Variants in SRPK2 observed in about 807,000 individuals in gnomAD.
SRPK2 encodes SRSF protein kinase 2.
In SRPK2, 21 loss-of-function variants were observed where a neutral mutation model predicts 90.8. The ratio of observed to expected loss-of-function variants is 0.23; its 90% CI spans 0.16 to 0.33. SRPK2 has a LOEUF of 0.33. Among genes scored for constraint, SRPK2 ranks in the 10% least tolerant of loss-of-function variants. SRPK2 has a pLI of 1.00. For synonymous variants in SRPK2, 288 were observed against 311.1 expected (o/e 0.93, Z 0.78); for missense variants, 620 against 869.0 (o/e 0.71, Z 3.60).
chr7:105,130,770 G>T (rs1403200566), intron 13 of SRPK2, among the ~76,000 whole-genome samples: 2 of 151,556 alleles, frequency 1.3e-5, no homozygotes, highest in East Asian at 3.9e-4. Flanking sequence ...TTTGGGGGGT[G>T]GGGCAAGCAG....
chr7:105,149,239 C>T (rs192448638), intron 7 of SRPK2, among the ~76,000 whole-genome samples: 3 of 152,276 alleles, frequency 2.0e-5, no homozygotes, highest in East Asian at 3.9e-4. Context: ...AGAGAAAAAC[C>T]GCCCTATGGT....
At chr7:105,217,409 C>G (rs1797605737) in intron 2 of SRPK2, among the ~76,000 whole-genome samples, 1 of 152,138 alleles carries the variant, frequency 6.6e-6, no homozygotes, top group African/African-American at 2.4e-5. Context: ...ACCCATGAAA[C>G]CAAATACTAT....
chr7:105,216,578 C>T (rs1459937041), intron 2 of SRPK2, among the ~76,000 whole-genome samples: 6 of 150,820 alleles, frequency 4.0e-5, no homozygotes, highest in African/African-American at 9.8e-5. Context: ...CACTTTAACT[C>T]GGGAGGCAGA....
intron 2 of SRPK2, among the ~76,000 whole-genome samples, chr7:105,318,213 G>A (rs915226912): frequency 6.6e-6 from 1 of 152,260 alleles, no homozygotes; most frequent in Non-Finnish European, 1.5e-5. Context: ...TCCTACCTCA[G>A]TCTCCAAAGT....
chr7:105,261,821 A>G (rs1177292618), intron 2 of SRPK2, among the ~76,000 whole-genome samples: 1 of 152,236 alleles, frequency 6.6e-6, no homozygotes, highest in African/African-American at 2.4e-5. Context: ...ACTGTCAAAC[A>G]GCAGCTGTGA....
At chr7:105,211,023 G>C (rs1429276890) in intron 2 of SRPK2, among the ~76,000 whole-genome samples, 1 of 152,204 alleles carries the variant, frequency 6.6e-6, no homozygotes, top group Non-Finnish European at 1.5e-5. Context: ...CTGCAGATCT[G>C]GCCAACACCT....
chr7:105,286,958 T>C (rs1808183241), intron 2 of SRPK2, among the ~76,000 whole-genome samples: 1 of 151,976 alleles, frequency 6.6e-6, no homozygotes, highest in Admixed American at 6.6e-5. Flanking sequence ...ATTCATAATA[T>C]ACAGCATTTG....
At chr7:105,392,021 A>G (rs1822195679), upstream of SRPK2, among the ~76,000 whole-genome samples, 1 of 152,224 alleles carries the variant, frequency 6.6e-6, no homozygotes, top group Non-Finnish European at 1.5e-5. Flanking sequence ...TTTTTTGGCC[A>G]TAAAAAGAAT....
chr7:105,234,404 TCTA>T lies in SRPK2; in HGVS notation c.72-30622_72-30620del, dbSNP rs1446169625. Among the ~76,000 whole-genome samples, 4 of 152,334 alleles carry T rather than the reference TCTA, an allele frequency of 2.6e-5. No individual in the cohort carries two copies. In the East Asian group the frequency reaches 7.7e-4, roughly 29 times the overall value. ...CTACCAAAAGATCATTAGAGAAACTTCTACTATCTCATTTAAGAAATATTTCCT... is the reference window on the plus strand; with the variant it reads ...CTACCAAAAGATCATTAGAGAAACTTCTATCTCATTTAAGAAATATTTCCT... On this transcript the variant is annotated intron_variant, in intron 2 of 15. Coordinates refer to ENST00000393651, the MANE Select transcript of SRPK2 (RefSeq NM_182692.3).
chr7:105,178,484 G>A (rs990502872), intron 3 of SRPK2, among the ~76,000 whole-genome samples: 1 of 152,122 alleles, frequency 6.6e-6, no homozygotes, highest in Non-Finnish European at 1.5e-5. Context: ...CAGAGCAAAG[G>A]CTAATATTCC....
intron 2 of SRPK2, among the ~76,000 whole-genome samples, chr7:105,354,195 AG>A (rs1817532997): frequency 6.6e-6 from 1 of 152,206 alleles, no homozygotes; most frequent in Non-Finnish European, 1.5e-5. Context: ...GACCAGTCAC[AG>A]GTCTCCCCAT....
intron 2 of SRPK2, among the ~76,000 whole-genome samples, chr7:105,362,727 C>T (rs1818578766): frequency 6.6e-6 from 1 of 152,034 alleles, no homozygotes; most frequent in South Asian, 2.1e-4. Context: ...AATCATGCTG[C>T]TATAAAGACA....
chr7:105,147,973 G>T (rs1426375202), intron 7 of SRPK2, among the ~76,000 whole-genome samples: 1 of 152,148 alleles, frequency 6.6e-6, no homozygotes, highest in Non-Finnish European at 1.5e-5. Flanking sequence ...TCACACTCGT[G>T]TATACATTTT....
At chr7:105,192,050 CTTTTTT>C (rs34465290) in intron 3 of SRPK2, among the ~76,000 whole-genome samples, 3 of 143,818 alleles carry the variant, frequency 2.1e-5, no homozygotes, top group African/African-American at 7.7e-5. Flanking sequence ...TCTGCTTCTG[CTTTTTT>C]TTTTTTTTTT....
chr7:105,312,664 G>A (rs1811851001), intron 2 of SRPK2, among the ~76,000 whole-genome samples: 1 of 152,064 alleles, frequency 6.6e-6, no homozygotes, highest in Non-Finnish European at 1.5e-5. Flanking sequence ...GAATCCATAA[G>A]TCACTTAATT....
chr7:105,158,968 C>G (rs1390304426), intron 7 of SRPK2, among the ~76,000 whole-genome samples: 1 of 151,786 alleles, frequency 6.6e-6, no homozygotes, highest in African/African-American at 2.4e-5. Context: ...GAGATATCAG[C>G]CTGTCGAAAT....
At chr7:105,115,010 C>A (rs1033930896), downstream of SRPK2, among the ~76,000 whole-genome samples, 1 of 152,166 alleles carries the variant, frequency 6.6e-6, no homozygotes. Context: ...TAAAAATATT[C>A]TTCTTAAAAG....
At chr7:105,389,029 A>G (rs1259232342), upstream of SRPK2, 3 of 892,366 alleles carry the variant, frequency 3.4e-6, no homozygotes, top group South Asian at 5.3e-5. Context: ...TCGGGACCCC[A>G]GCGCCGCGCG....
At chr7:105,241,941 T>C (rs7792174) in intron 2 of SRPK2, among the ~76,000 whole-genome samples, 1 of 152,044 alleles carries the variant, frequency 6.6e-6, no homozygotes, top group Non-Finnish European at 1.5e-5. Flanking sequence ...AAAAGGTCAT[T>C]GGGGCCACTT....
Sources: allele counts gnomAD v4.1 joint callset (sites outside exome capture counted in the v4.1 genomes callset), GRCh38; gene constraint gnomAD v4.1.1; transcripts MANE v1.5; gene names NCBI Gene and HGNC (gene_info 2026-07-23, HGNC 2026-07-21).